Variants in GRM3 observed in about 807,000 individuals in gnomAD.
The protein encoded by GRM3 is glutamate metabotropic receptor 3.
Under a neutral mutation model 70.5 loss-of-function variants are expected in GRM3, and 26 were observed. The observed-to-expected ratio is 0.37, with a 90% CI of 0.27 to 0.51. GRM3 has a LOEUF of 0.51. Ranked by LOEUF, GRM3 falls within the 20% of genes least tolerant of loss-of-function variation. The pLI is 0.93. For synonymous variants in GRM3, 443 were observed against 434.9 expected, an observed-to-expected ratio of 1.02 and a Z score of -0.23; for missense variants, 859 against 1,123.8, an observed-to-expected ratio of 0.76 and a Z score of 3.37.
In GRM3 at chr7:86,651,867, C is replaced by T. The variant is rs191247509; in HGVS notation, c.-141+6995C>T. On this transcript the variant is annotated intron_variant, in intron 1 of 5. Coordinates refer to ENST00000361669, the MANE Select transcript of GRM3 (RefSeq NM_000840.3). ...ACACCCAAAATATATTTTTCACTAC[C>T]TTCCTTGGTTCATAAAATTTTCCAA... Among the ~76,000 whole-genome samples, 13 of 152,282 alleles carry T rather than the reference C, an allele frequency of 8.5e-5. No individual in the cohort carries two copies. In the East Asian group the frequency reaches 2.5e-3, roughly 29 times the overall value.
At chr7:86,735,692 G>C (rs1795842065) in intron 1 of GRM3, among the ~76,000 whole-genome samples, 1 of 152,126 alleles carries the variant, frequency 6.6e-6, no homozygotes, top group South Asian at 2.1e-4. Flanking sequence ...AGTGGATGAA[G>C]GATCAAATAA....
intron 1 of GRM3, among the ~76,000 whole-genome samples, chr7:86,687,610 G>C (rs1419372677): frequency 6.6e-6 from 1 of 151,822 alleles, no homozygotes; most frequent in Non-Finnish European, 1.5e-5. Flanking sequence ...TACACTACAA[G>C]ATATACTAAA....
chr7:86,720,312 G>A (rs1476418387), intron 1 of GRM3, among the ~76,000 whole-genome samples: 1 of 151,960 alleles, frequency 6.6e-6, no homozygotes, highest in Non-Finnish European at 1.5e-5. Context: ...TGGAAAGGAG[G>A]TAACATCAAG....
rs1799021278 is a variant in GRM3, at chr7:86,864,339, C to A, written c.2624C>A (p.Thr875Asn). ...VCNGREVLDS[T>N]TSSL ...AATGGGCGGGAAGTCCTCGACTCCACCACCTCATCTCTGTGATTGTGAATT... is the reference window on the plus strand; with the variant it reads ...AATGGGCGGGAAGTCCTCGACTCCAACACCTCATCTCTGTGATTGTGAATT... The change falls in exon 6 of 6, where the codon ACC becomes AAC. Residue 875 changes from threonine (T) to asparagine (N), a missense_variant. Transcript: ENST00000361669. 1 of 1,610,970 alleles carries A rather than the reference C, an allele frequency of 6.2e-7. No individual in the cohort carries two copies. Among genetic ancestry groups the A allele is most frequent in the Non-Finnish European group, 8.5e-7 (1 of 1,177,208 alleles).
At chr7:86,769,249 G>A (rs1179228716) in intron 2 of GRM3, among the ~76,000 whole-genome samples, 1 of 152,036 alleles carries the variant, frequency 6.6e-6, no homozygotes, top group Non-Finnish European at 1.5e-5. Flanking sequence ...CATATGTACT[G>A]GAAATTGTCT....
chr7:86,700,144 C>G (rs1794917204), intron 1 of GRM3, among the ~76,000 whole-genome samples: 1 of 151,948 alleles, frequency 6.6e-6, no homozygotes, highest in Non-Finnish European at 1.5e-5. Flanking sequence ...ATATAATAGT[C>G]TGAATTCCAT....
chr7:86,863,596 T>G (rs1798999264), intron 5 of GRM3, among the ~76,000 whole-genome samples: 1 of 152,172 alleles, frequency 6.6e-6, no homozygotes, highest in Non-Finnish European at 1.5e-5. Flanking sequence ...GTGTTTTTAC[T>G]GAGGTTATCC....
intron 3 of GRM3, among the ~76,000 whole-genome samples, chr7:86,804,970 T>C (rs1797758565): frequency 6.6e-6 from 1 of 152,074 alleles, no homozygotes; most frequent in Non-Finnish European, 1.5e-5. Flanking sequence ...CTTAATTAAC[T>C]GGGCATGGTG....
chr7:86,735,778 G>A (rs1280177285), intron 1 of GRM3, among the ~76,000 whole-genome samples: 2 of 152,128 alleles, frequency 1.3e-5, no homozygotes, highest in Non-Finnish European at 2.9e-5. Context: ...ATGGGACTAA[G>A]TACCATTTTA....
rs537356930 is a variant in GRM3 at position 86,864,651 on chromosome 7, CA to C, written c.*309del. The stretch of plus-strand genomic sequence containing the variant: ...TCTACTAAAAAACAAAAAAAAAAAA[CA>C]AAAAAAAAAAAACAAAAGAAAAAAA... On this transcript the variant is annotated 3_prime_UTR_variant, in exon 6 of 6. Transcript: ENST00000361669. 18,295 of 101,622 alleles carry C rather than the reference CA, an allele frequency of 0.18. 1,625 individuals are homozygous for C. Among genetic ancestry groups the C allele is most frequent in the African/African-American group, 0.32 (9,945 of 30,612 alleles). 6.3% of individuals were successfully genotyped at this position (101,622 alleles called of 1,614,324 possible). A position where few individuals can be genotyped will look rare whatever the true frequency, so the allele number is the denominator to read the frequency against.
intron 1 of GRM3, among the ~76,000 whole-genome samples, chr7:86,751,249 G>A (rs961899449): frequency 6.6e-6 from 1 of 152,108 alleles, no homozygotes; most frequent in Non-Finnish European, 1.5e-5. Context: ...CATGGTAGAA[G>A]CAACCAATTA....
intron 2 of GRM3, among the ~76,000 whole-genome samples, chr7:86,769,982 A>ATATTTATTC (rs1796698262): frequency 6.6e-6 from 1 of 152,174 alleles, no homozygotes. Context: ...AACAGTATTT[A>ATATTTATTC]TATTTATTCA....
intron 2 of GRM3, among the ~76,000 whole-genome samples, chr7:86,769,817 A>T (rs1418507640): frequency 6.6e-6 from 1 of 152,168 alleles, no homozygotes; most frequent in Non-Finnish European, 1.5e-5. Context: ...TTCTTAATTC[A>T]GTAATCAATG....
intron 1 of GRM3, among the ~76,000 whole-genome samples, chr7:86,675,043 T>C (rs375900503): frequency 2.6e-5 from 4 of 152,176 alleles, no homozygotes; most frequent in South Asian, 2.1e-4. Context: ...ATTCTCTTTA[T>C]ACAAACTGGC....
intron 1 of GRM3, among the ~76,000 whole-genome samples, chr7:86,703,132 A>G (rs1444363617): frequency 1.3e-5 from 2 of 152,016 alleles, no homozygotes; most frequent in Non-Finnish European, 2.9e-5. Context: ...ATGTCTTAAA[A>G]AGACATTTCT....
chr7:86,767,558 T>TAA (rs1372945742), intron 2 of GRM3, among the ~76,000 whole-genome samples: 64 of 121,106 alleles, frequency 5.3e-4, no homozygotes, highest in Non-Finnish European at 1.4e-4. Flanking sequence ...TATATATATA[T>TAA]AAATGAAGTA....
In GRM3 at chr7:86,765,488, G is replaced by C; in HGVS notation, c.343G>C (p.Ala115Pro). Residue 115 changes from alanine to proline, a missense_variant, in exon 2 of 6, where the codon GCA (alanine) becomes CCA (proline). By Grantham distance (27) the Ala-to-Pro change is conservative. Coordinates refer to ENST00000361669, the MANE Select transcript of GRM3 (RefSeq NM_000840.3). ...GGAGCAATCACTGGAGTTTGTCAGG[G>C]CATCTTTGACAAAAGTGGATGAAGC... ...ALEQSLEFVRASLTKVDEAEY... is the reference protein window; with the variant it reads ...ALEQSLEFVRPSLTKVDEAEY... The C allele has an allele frequency of 6.2e-7, 1 of 1,613,882 alleles. No individual in the cohort carries two copies.
chr7:86,668,362 G>A (rs1161162141), intron 1 of GRM3, among the ~76,000 whole-genome samples: 1 of 151,756 alleles, frequency 6.6e-6, no homozygotes, highest in Non-Finnish European at 1.5e-5. Context: ...TCACTCACTT[G>A]CAGGCTAAAT....
At chr7:86,654,542 C>A (rs571420221) in intron 1 of GRM3, among the ~76,000 whole-genome samples, 74 of 152,276 alleles carry the variant, frequency 4.9e-4, no homozygotes, top group Non-Finnish European at 8.4e-4. Flanking sequence ...ACTGCCTCCC[C>A]CAACTAGCAA....
Sources: allele counts gnomAD v4.1 joint callset (sites outside exome capture counted in the v4.1 genomes callset), GRCh38; gene constraint gnomAD v4.1.1; transcripts MANE v1.5; gene names NCBI Gene and HGNC (gene_info 2026-07-23, HGNC 2026-07-21).